Variants in SHROOM3 observed in about 807,000 individuals in gnomAD.
SHROOM3 encodes the protein shroom family member 3.
SHROOM3 carries 47 observed loss-of-function variants against 138.6 expected under a neutral mutation model. The observed-to-expected ratio is 0.34, with a 90% confidence interval of 0.27 to 0.43. SHROOM3 has a LOEUF of 0.43. SHROOM3 is among the 20% of genes least tolerant of loss of function. SHROOM3 has a pLI of 1.00. For synonymous variants in SHROOM3, 1,062 were observed against 1,063.3 expected, an observed-to-expected ratio of 1.00 and a Z score of 0.02; for missense variants, 2,491 against 2,596.5, an observed-to-expected ratio of 0.96 and a Z score of 0.88.
intron 2 of SHROOM3, among the ~76,000 whole-genome samples, chr4:76,663,086 G>A (rs1053817341): frequency 1.3e-5 from 2 of 152,082 alleles, no homozygotes; most frequent in Non-Finnish European, 2.9e-5. Context: ...GGGACTTTGC[G>A]GTTTGGTAAT....
intron 2 of SHROOM3, among the ~76,000 whole-genome samples, chr4:76,618,039 C>T (rs1734920043): frequency 6.6e-6 from 1 of 152,248 alleles, no homozygotes; most frequent in African/African-American, 2.4e-5. Context: ...GTGGCTCACG[C>T]CTGTAATCCC....
intron 2 of SHROOM3, among the ~76,000 whole-genome samples, chr4:76,599,586 CT>C (rs1409096291): frequency 2.0e-5 from 3 of 152,206 alleles, no homozygotes; most frequent in African/African-American, 7.2e-5. Flanking sequence ...CAGCAGCATT[CT>C]TTCTGTCTCC....
intron 1 of SHROOM3, among the ~76,000 whole-genome samples, chr4:76,538,281 A>T (rs780514611): frequency 1.3e-5 from 2 of 152,192 alleles, no homozygotes; most frequent in African/African-American, 2.4e-5. Context: ...GAAAAGGAGG[A>T]GGTGGTCAGA....
chr4:76,614,071 G>C (rs1734821687), intron 2 of SHROOM3, among the ~76,000 whole-genome samples: 1 of 150,040 alleles, frequency 6.7e-6, no homozygotes, highest in Non-Finnish European at 1.5e-5. Context: ...GTTTGTTTGA[G>C]ACAGAGTCTC....
In SHROOM3 at chr4:76,710,250, G is replaced by T; in HGVS notation, c.418G>T (p.Ala140Ser). 6.2e-7 allele frequency: 1 copy of T among 1,614,124 alleles called. No homozygotes were observed. Among genetic ancestry groups the T allele is most frequent in the Non-Finnish European group, 8.5e-7 (1 of 1,180,008 alleles). ...LTSGPQHRKA[A>S]WSGGVKLRLK... ...CTCTGGCCCCCAGCACAGGAAAGCA[G>T]CGTGGTCAGGAGGGGTTAAACTTCG... Residue 140 changes from alanine (A) to serine (S), a missense_variant, in exon 3 of 11, where the codon GCG becomes TCG. Ala to Ser is a moderately conservative substitution (Grantham distance 99, BLOSUM62 1). Around this residue, in one of 4 missense-constraint regions of SHROOM3, gnomAD observed 284 missense variants for 322.8 expected, o/e 0.88. Transcript: ENST00000296043.
chr4:76,572,715 G>A (rs186048105), intron 2 of SHROOM3, among the ~76,000 whole-genome samples: 112 of 152,282 alleles, frequency 7.4e-4, no homozygotes, highest in Admixed American at 2.6e-3. Context: ...GTACGGGTTT[G>A]CCCCTTTATG....
In SHROOM3 at chr4:76,517,254, T is replaced by A. The variant is rs79106781; in HGVS notation, c.169-38355T>A. On this transcript the variant is annotated intron_variant, in intron 1 of 10. Transcript: ENST00000296043. ...CCCATCTTGGGTCATACCCTTGTCA[T>A]CCAGGAACTAACAAGTCACCCCAGT... 1.4e-3 allele frequency among the ~76,000 whole-genome samples: 215 copies of A among 152,270 alleles called. 2 individuals carry two copies. Among genetic ancestry groups the A allele is most frequent in the African/African-American group, 4.6e-3 (192 of 41,560 alleles).
chr4:76,628,877 G>C (rs1431212692), intron 2 of SHROOM3: 1 of 151,770 alleles, frequency 6.6e-6, no homozygotes, highest in East Asian at 1.9e-4. Flanking sequence ...GTCCCGCTTT[G>C]TCACCCAGCC....
At chr4:76,555,539 G>C in intron 1 of SHROOM3, 70 bp from the exon 2 acceptor site, 1 of 1,606,034 alleles carries the variant, frequency 6.2e-7, no homozygotes. Context: ...AGCTGGGCTC[G>C]GGATAGCCGG....
rs1721246960 is a variant in SHROOM3 at position 76,741,303 on chromosome 4, A to C, written c.3130A>C (p.Arg1044=). The C allele has an allele frequency of 6.2e-7, 1 of 1,612,048 alleles. No homozygotes were observed. The highest frequency in any genetic ancestry group is 8.5e-7 in the Non-Finnish European group (1 of 1,179,674). Residue 1044 remains arginine, a synonymous_variant, in exon 5 of 11, where the codon AGA becomes CGA. Coordinates refer to ENST00000296043, the MANE Select transcript of SHROOM3 (RefSeq NM_020859.4). The surrounding 1 kb of genome is among the most constrained non-coding windows in gnomAD (Gnocchi z 6.2). The part of the protein sequence containing the change: ...EAEPAPLGPQ[R]NGMRFPESSV... ...CGAACCGGCACCCCTGGGCCCGCAG[A>C]GAAATGGGATGCGTTTCCCGGAGAG...
At chr4:76,773,516 C>T (rs554042772) in intron 10 of SHROOM3, among the ~76,000 whole-genome samples, 2 of 152,218 alleles carry the variant, frequency 1.3e-5, no homozygotes, top group East Asian at 3.9e-4. Flanking sequence ...TGAGGGCTCG[C>T]CCCTTGTCCC....
intron 2 of SHROOM3, among the ~76,000 whole-genome samples, chr4:76,655,178 T>G (rs1736039513): frequency 6.6e-6 from 1 of 152,218 alleles, no homozygotes; most frequent in Non-Finnish European, 1.5e-5. Context: ...AAATAGCTTA[T>G]CCAATATTAT....
intron 1 of SHROOM3, among the ~76,000 whole-genome samples, chr4:76,460,526 A>G (rs946233629): frequency 6.6e-6 from 1 of 152,120 alleles, no homozygotes; most frequent in Non-Finnish European, 1.5e-5. Flanking sequence ...AAACAACAGA[A>G]TATTTTTTTC....
intron 1 of SHROOM3, among the ~76,000 whole-genome samples, chr4:76,532,737 C>A (rs922054790): frequency 1.3e-5 from 2 of 152,144 alleles, no homozygotes; most frequent in African/African-American, 4.8e-5. Flanking sequence ...ATTTTAGCAA[C>A]CTCAGCGTAC....
chr4:76,750,738 G>A (rs918151648), intron 6 of SHROOM3, among the ~76,000 whole-genome samples: 4 of 151,402 alleles, frequency 2.6e-5, no homozygotes, highest in Non-Finnish European at 5.9e-5. Context: ...TGGCAATATC[G>A]ACAATCTGAG....
intron 1 of SHROOM3, among the ~76,000 whole-genome samples, chr4:76,466,090 T>C (rs1731244289): frequency 6.6e-6 from 1 of 152,248 alleles, no homozygotes; most frequent in Non-Finnish European, 1.5e-5. Flanking sequence ...CTTTATGTTA[T>C]AAAGTGTTAA....
At chr4:76,498,112 T>TGAG (rs1732007669) in intron 1 of SHROOM3, among the ~76,000 whole-genome samples, 1 of 152,236 alleles carries the variant, frequency 6.6e-6, no homozygotes, top group Non-Finnish European at 1.5e-5. Context: ...TACAAAGTTG[T>TGAG]ATTTCCCTGG....
At position 76,528,989 on chromosome 4, in the gene SHROOM3, G is replaced by C. The variant is rs796770704; in HGVS notation, c.169-26620G>C. Among the ~76,000 whole-genome samples the C allele has an allele frequency of 2.0e-5, 3 of 152,288 alleles. 1 individual carries two copies. Among genetic ancestry groups the C allele is most frequent in the African/African-American group, 7.2e-5 (3 of 41,566 alleles). On this transcript the variant is annotated intron_variant, in intron 1 of 10. Transcript: ENST00000296043. ...GGAGGCCTCCTCTGAGATGGCTTTG[G>C]CTTTAGGTATCTATCCTCACTGCCA... is the stretch of plus-strand genomic sequence containing the variant.
chr4:76,554,231 C>T (rs78232666), intron 1 of SHROOM3, among the ~76,000 whole-genome samples: 2,083 of 152,236 alleles, frequency 0.014, 39 homozygotes, highest in African/African-American at 0.048. Flanking sequence ...AGACTGGCTT[C>T]TTTCACTTAG....
Sources: gnomAD v4.1 joint callset for allele counts (sites outside exome capture counted in the v4.1 genomes callset) on GRCh38, gnomAD v4.1.1 for gene constraint, gnomAD v4.1.1 regional missense constraint, Gnocchi (gnomAD v3.1) non-coding constraint, MANE v1.5 for transcripts, NCBI Gene and HGNC (gene_info 2026-07-23, HGNC 2026-07-21) for gene names.